The following CSGALNACT1 variants were observed in gnomAD, a reference collection of about 807,000 sequenced individuals.
CSGALNACT1 encodes the protein beta4GalNAcT-1.
CSGALNACT1 carries 52 observed loss-of-function variants against 51.0 expected under a neutral mutation model. The ratio of observed to expected loss-of-function variants is 1.02; its 90% CI spans 0.82 to 1.29. The LOEUF is 1.29. CSGALNACT1 is among the 50% of genes most tolerant of loss of function. The pLI is 0.00. For synonymous variants in CSGALNACT1, 341 were observed against 254.4 expected (o/e 1.34, Z -3.24); for missense variants, 935 against 679.2 (o/e 1.38, Z -4.19).
At chr8:19,435,169 G>A (rs538160872) in intron 6 of CSGALNACT1, among the ~76,000 whole-genome samples, 43 of 152,238 alleles carry the variant, frequency 2.8e-4, no homozygotes, top group Admixed American at 2.4e-3. Flanking sequence ...CTTACAATGT[G>A]GTCAATGCCA....
chr8:19,513,436 C>CTCTCTCTCTATATATATATATATATATA, intron 3 of CSGALNACT1, among the ~76,000 whole-genome samples: 3 of 81,972 alleles, frequency 3.7e-5, no homozygotes, highest in Non-Finnish European at 5.1e-5. Flanking sequence ...CTCTCTCTCT[C>CTCTCTCTCTATATATATATATATATATA]TATATATATA....
intron 4 of CSGALNACT1, among the ~76,000 whole-genome samples, chr8:19,471,271 G>A (rs534974168): frequency 2.6e-5 from 4 of 152,282 alleles, no homozygotes; most frequent in South Asian, 2.1e-4. Context: ...AGAACACTGC[G>A]CATGCGGAAA....
chr8:19,441,777 C>T (rs1442574556), intron 5 of CSGALNACT1, among the ~76,000 whole-genome samples: 1 of 151,920 alleles, frequency 6.6e-6, no homozygotes, highest in Non-Finnish European at 1.5e-5. Flanking sequence ...TCAGAGTGAA[C>T]AGGCAACCTA....
intron 8 of CSGALNACT1, among the ~76,000 whole-genome samples, chr8:19,413,364 C>T (rs556527958): frequency 3.3e-5 from 5 of 152,232 alleles, no homozygotes; most frequent in African/African-American, 9.6e-5. Context: ...GCCACTTAGC[C>T]GCTACAGGCA....
At chr8:19,706,758 G>T (rs1235536469) in intron 1 of CSGALNACT1, among the ~76,000 whole-genome samples, 9 of 152,090 alleles carry the variant, frequency 5.9e-5, no homozygotes, top group Non-Finnish European at 1.0e-4. Context: ...CTAGTAGCTG[G>T]CACTACAGGC....
At chr8:19,637,042 AT>A (rs1199296384) in intron 1 of CSGALNACT1, among the ~76,000 whole-genome samples, 11 of 149,722 alleles carry the variant, frequency 7.3e-5, no homozygotes, top group Non-Finnish European at 1.5e-4. Context: ...AAAAAAAAAA[AT>A]AGAACAATTA....
At chr8:19,552,177 G>T (rs1285380055) in intron 3 of CSGALNACT1, among the ~76,000 whole-genome samples, 3 of 152,022 alleles carry the variant, frequency 2.0e-5, no homozygotes, top group Non-Finnish European at 4.4e-5. Context: ...GACTAATGAG[G>T]GATTTAATAA....
At chr8:19,721,465 G>A (rs1243333680) in intron 1 of CSGALNACT1, among the ~76,000 whole-genome samples, 1 of 152,188 alleles carries the variant, frequency 6.6e-6, no homozygotes, top group Non-Finnish European at 1.5e-5. Flanking sequence ...GTCCGCACAT[G>A]GTTCTCATGT....
At chr8:19,634,551 A>G (rs1476039397) in intron 1 of CSGALNACT1, among the ~76,000 whole-genome samples, 1 of 152,170 alleles carries the variant, frequency 6.6e-6, no homozygotes, top group Non-Finnish European at 1.5e-5. Context: ...AGTCCCAGCT[A>G]CTCAGGAGGC....
rs199631580 is a variant in CSGALNACT1, at chr8:19,736,531, T to A, written c.-297+21319A>T. 8.5e-4 allele frequency among the ~76,000 whole-genome samples: 123 copies of A among 145,490 alleles called. 2 individuals are homozygous for A. Among genetic ancestry groups the A allele is most frequent in the Admixed American group, 6.7e-3 (97 of 14,536 alleles). ...GTCCCAAAACCAAAAAAAAAAAAAA[T>A]AAAACCAGGAATCATCCAAAGAGTG... is the stretch of plus-strand genomic sequence containing the variant. On this transcript the variant is annotated intron_variant, in intron 1 of 1. Coordinates refer to the CSGALNACT1 transcript ENST00000517494.
intron 1 of CSGALNACT1, among the ~76,000 whole-genome samples, chr8:19,700,546 G>C (rs2061809553): frequency 6.6e-6 from 1 of 152,102 alleles, no homozygotes; most frequent in Non-Finnish European, 1.5e-5. Context: ...CCATTAATCA[G>C]GGAGGACTTA....
rs188249938 is a variant in CSGALNACT1 at position 19,463,654 on chromosome 8, G to A, written c.635-5012C>T. 6.6e-5 allele frequency among the ~76,000 whole-genome samples: 10 copies of A among 152,292 alleles called. No homozygotes were observed. In the East Asian group the frequency reaches 1.2e-3, roughly 18 times the overall value. ...ATCTTGTGCAGAACAGCATCATTTC[G>A]TGCACTATGCAAATTAAAGATCAAA... On this transcript the variant is annotated intron_variant, in intron 4 of 9. Transcript: ENST00000454498.
intron 3 of CSGALNACT1, among the ~76,000 whole-genome samples, chr8:19,551,205 A>C (rs188748331): frequency 6.6e-6 from 1 of 152,374 alleles, no homozygotes; most frequent in Non-Finnish European, 1.5e-5. Flanking sequence ...TAACAGGCTG[A>C]CACCAGCTGG....
chr8:19,740,079 C>T (rs973780399), intron 1 of CSGALNACT1, among the ~76,000 whole-genome samples: 1 of 152,112 alleles, frequency 6.6e-6, no homozygotes, highest in African/African-American at 2.4e-5. Flanking sequence ...TTTGTACTGC[C>T]CCCAACCCTA....
chr8:19,405,389 A>G (rs1250415924), exon 10 of CSGALNACT1: 1 of 459,170 alleles, frequency 2.2e-6, no homozygotes, highest in Admixed American at 2.3e-5. Flanking sequence ...GCTCATTCAT[A>G]TGAGGAGAAA....
chr8:19,624,375 C>T (rs1291292850), intron 1 of CSGALNACT1, among the ~76,000 whole-genome samples: 1 of 152,184 alleles, frequency 6.6e-6, no homozygotes, highest in Non-Finnish European at 1.5e-5. Context: ...TACTGAACTG[C>T]TTACATGTCT....
intron 1 of CSGALNACT1, among the ~76,000 whole-genome samples, chr8:19,651,147 A>C (rs1414882175): frequency 6.6e-6 from 1 of 152,166 alleles, no homozygotes; most frequent in Non-Finnish European, 1.5e-5. Flanking sequence ...GTAGTACAGA[A>C]CTAGCCATAG....
exon 4 of CSGALNACT1, chr8:19,505,355 C>G (rs1319187488): frequency 2.1e-5 from 34 of 1,614,226 alleles, no homozygotes; most frequent in Non-Finnish European, 2.9e-5. Flanking sequence ...TAAGGCCAGT[C>G]TCCAGCTGGT....
chr8:19,414,520 C>T (rs557070669), intron 8 of CSGALNACT1, among the ~76,000 whole-genome samples: 4 of 152,200 alleles, frequency 2.6e-5, no homozygotes, highest in Non-Finnish European at 5.9e-5. Context: ...AGTATAAAAT[C>T]CCATAGTTTC....
Sources: allele counts gnomAD v4.1 joint callset (sites outside exome capture counted in the v4.1 genomes callset), GRCh38; gene constraint gnomAD v4.1.1; transcripts MANE v1.5; gene names NCBI Gene and HGNC (gene_info 2026-07-23, HGNC 2026-07-21).